The following GNG2 variants were observed in gnomAD, a reference collection of about 807,000 sequenced individuals.
GNG2 encodes the protein guanine nucleotide-binding protein G(I)/G(S)/G(O) subunit gamma-2.
In GNG2, 5 loss-of-function variants were observed where a neutral mutation model predicts 5.5. The observed-to-expected ratio is 0.91, with a 90% CI of 0.48 to 1.92. The LOEUF (loss-of-function observed/expected upper bound fraction) is 1.92. GNG2 is among the 30% of genes most tolerant of loss of function. The pLI, the probability that GNG2 is intolerant of heterozygous loss-of-function variation, is 0.01. For synonymous variants in GNG2, 28 were observed against 32.0 expected (o/e 0.88, Z 0.42); for missense variants, 55 against 88.4 (o/e 0.62, Z 1.52).
In GNG2 at chr14:51,949,380, G is replaced by C. The variant is rs948518843; in HGVS notation, c.-29-1270G>C. 2.0e-5 allele frequency among the ~76,000 whole-genome samples: 3 copies of C among 152,092 alleles called. No homozygotes were observed. The East Asian group carries it at 5.8e-4, about 29-fold the overall frequency. On this transcript the variant is annotated intron_variant, in intron 2 of 3. Transcript: ENST00000556766. ...AGACAATAATTATTTGTTGATTTTA[G>C]TTGGTAGGTTAAAAAAAATCTATGT...
chr14:51,854,950 C>T (rs1021228085), intron 2 of GNG2, among the ~76,000 whole-genome samples: 9 of 152,162 alleles, frequency 5.9e-5, no homozygotes, highest in Admixed American at 1.3e-4. Context: ...CTCCTCCAGC[C>T]GCCTTCTTCA....
intron 2 of GNG2, among the ~76,000 whole-genome samples, chr14:51,935,751 A>T (rs1201099714): frequency 6.6e-6 from 1 of 152,072 alleles, no homozygotes; most frequent in East Asian, 1.9e-4. Context: ...TGGCACCGGC[A>T]TCTGCTCGGT....
At chr14:51,851,407 TATACTA>T (rs1022404254) in intron 2 of GNG2, among the ~76,000 whole-genome samples, 41 of 152,236 alleles carry the variant, frequency 2.7e-4, no homozygotes, top group East Asian at 1.9e-4. Flanking sequence ...TTTTGACTCT[TATACTA>T]AGAGTACATA....
intron 2 of GNG2, among the ~76,000 whole-genome samples, chr14:51,906,206 GCCCTGC>G (rs1885906286): frequency 6.6e-6 from 1 of 152,182 alleles, no homozygotes; most frequent in Non-Finnish European, 1.5e-5. Context: ...ACCCTCAGGG[GCCCTGC>G]CCCTTTCCTC....
At chr14:51,853,765 C>G (rs982136655) in intron 2 of GNG2, among the ~76,000 whole-genome samples, 2 of 152,154 alleles carry the variant, frequency 1.3e-5, no homozygotes, top group Non-Finnish European at 1.5e-5. Context: ...TTCTGACATT[C>G]CTTTTAAAGG....
At chr14:51,870,630 T>C (rs1883236879) in intron 1 of GNG2, among the ~76,000 whole-genome samples, 1 of 152,238 alleles carries the variant, frequency 6.6e-6, no homozygotes, top group Non-Finnish European at 1.5e-5. Context: ...AGGTATTTTG[T>C]TGATTACAGT....
At chr14:51,930,890 C>T in intron 2 of GNG2, among the ~76,000 whole-genome samples, 1 of 152,148 alleles carries the variant, frequency 6.6e-6, no homozygotes, top group Non-Finnish European at 1.5e-5. Flanking sequence ...CTCTTTTAAA[C>T]AACCAGATCT....
upstream of GNG2, among the ~76,000 whole-genome samples, chr14:51,857,573 G>A (rs562740652): frequency 6.6e-6 from 1 of 152,294 alleles, no homozygotes; most frequent in Admixed American, 6.5e-5. Flanking sequence ...GGATGGCTTC[G>A]AAGAGAGACT....
At chr14:51,922,102 G>C (rs1887047965) in intron 2 of GNG2, among the ~76,000 whole-genome samples, 1 of 152,172 alleles carries the variant, frequency 6.6e-6, no homozygotes, top group Admixed American at 6.5e-5. Flanking sequence ...TCCACTTTCT[G>C]TGTGTATATG....
intron 2 of GNG2, among the ~76,000 whole-genome samples, chr14:51,897,493 C>G (rs532923906): frequency 6.6e-6 from 1 of 152,230 alleles, no homozygotes; most frequent in East Asian, 1.9e-4. Flanking sequence ...TGGTAGGCCC[C>G]ACAGATGGAA....
At chr14:51,928,672 C>T (rs1056258092) in intron 2 of GNG2, among the ~76,000 whole-genome samples, 12 of 152,304 alleles carry the variant, frequency 7.9e-5, no homozygotes, top group South Asian at 2.1e-4. Flanking sequence ...GAGAGAGAGA[C>T]GTGACTTTTA....
chr14:51,836,757 C>T (rs1267436836), intron 2 of GNG2, among the ~76,000 whole-genome samples: 2 of 151,466 alleles, frequency 1.3e-5, no homozygotes, highest in African/African-American at 4.9e-5. Context: ...TCTATTCCTG[C>T]TCATTACAAT....
chr14:51,952,755 T>G (rs1322701686), intron 3 of GNG2, among the ~76,000 whole-genome samples: 1 of 152,232 alleles, frequency 6.6e-6, no homozygotes, highest in Non-Finnish European at 1.5e-5. Context: ...CCTGAATTAC[T>G]GACTGCAAGG....
intron 2 of GNG2, 87 bp downstream of exon 2, chr14:51,877,744 A>G: frequency 2.5e-6 from 1 of 397,822 alleles, no homozygotes; most frequent in Non-Finnish European, 5.0e-6. Flanking sequence ...TCTATAGATG[A>G]AAGCATGTGA....
intron 2 of GNG2, among the ~76,000 whole-genome samples, chr14:51,901,182 ATTTC>A (rs1885527597): frequency 6.7e-6 from 1 of 148,390 alleles, no homozygotes; most frequent in African/African-American, 2.6e-5. Context: ...AAGAGAAAGT[ATTTC>A]TTTTTTTTTT....
intron 2 of GNG2, among the ~76,000 whole-genome samples, chr14:51,849,062 C>T (rs1162553018): frequency 6.6e-6 from 1 of 152,174 alleles, no homozygotes; most frequent in East Asian, 1.9e-4. Flanking sequence ...TTGGGAGCAG[C>T]TTATCTTAAC....
chr14:51,874,376 G>A (rs1053917597), intron 1 of GNG2, among the ~76,000 whole-genome samples: 16 of 144,446 alleles, frequency 1.1e-4, no homozygotes, highest in Admixed American at 2.8e-4. Context: ...AGTTAGCCAA[G>A]ATTGTGCCAC....
chr14:51,865,967 C>G (rs61973073), intron 1 of GNG2, among the ~76,000 whole-genome samples: 2 of 151,632 alleles, frequency 1.3e-5, no homozygotes, highest in African/African-American at 4.9e-5. Flanking sequence ...AAAAAGGGAG[C>G]TCAATTCTCA....
intron 2 of GNG2, among the ~76,000 whole-genome samples, chr14:51,892,145 G>T (rs12883290): frequency 0.47 from 71,677 of 151,884 alleles, 17,156 homozygotes; most frequent in African/African-American, 0.53. Context: ...TATTCTGGAA[G>T]TCTATTTTTT....
Sources: gnomAD v4.1 joint callset for allele counts (sites outside exome capture counted in the v4.1 genomes callset) on GRCh38, gnomAD v4.1.1 for gene constraint, MANE v1.5 for transcripts, NCBI Gene and HGNC (gene_info 2026-07-23, HGNC 2026-07-21) for gene names.